The following IQCE variants were observed in gnomAD, a reference collection of about 807,000 sequenced individuals.
The protein encoded by IQCE is IQ domain-containing protein E.
In IQCE, 115 loss-of-function variants were observed where a neutral mutation model predicts 96.0. The ratio of observed to expected loss-of-function variants is 1.20; its 90% confidence interval spans 1.03 to 1.40. The LOEUF is 1.40. Ranked by LOEUF, IQCE falls within the 40% of genes most tolerant of loss-of-function variation. IQCE has a pLI of 0.00. For synonymous variants in IQCE, 412 were observed against 371.2 expected (o/e 1.11, Z -1.26); for missense variants, 1,041 against 909.1 (o/e 1.15, Z -1.87).
chr7:2,560,955 C>CAAAAAA (rs746886884), intron 1 of IQCE, among the ~76,000 whole-genome samples: 1 of 58,778 alleles, frequency 1.7e-5, no homozygotes, highest in African/African-American at 6.5e-5. Context: ...GACTCTGTCT[C>CAAAAAA]AAAAAAAAAA....
chr7:2,588,990 A>G (rs1469347667), intron 13 of IQCE, among the ~76,000 whole-genome samples: 1 of 152,162 alleles, frequency 6.6e-6, no homozygotes, highest in African/African-American at 2.4e-5. Flanking sequence ...TAAATAGTAA[A>G]TTAGAGCATC....
intron 8 of IQCE, chr7:2,582,080 G>A: frequency 8.5e-6 from 4 of 469,548 alleles, no homozygotes; most frequent in South Asian, 6.2e-5. Context: ...AAAAGGAGGT[G>A]AGGAGGCCGC....
In IQCE at chr7:2,607,196, C is replaced by T; in HGVS notation, c.1938C>T (p.Ala646=). 1 of 1,613,748 alleles carries T rather than the reference C, an allele frequency of 6.2e-7. No individual in the cohort carries two copies. Among genetic ancestry groups the T allele is most frequent in the Non-Finnish European group, 8.5e-7 (1 of 1,179,798 alleles). Residue 646 remains alanine (A), a synonymous_variant, in exon 21 of 22, where the codon GCC becomes GCT. Transcript: ENST00000402050. ...CGGCTTCAGCCACACACGGGGACGC[C>T]TCCTCCCCACCCTTCCTCGCAGCTC... The part of the protein sequence containing the change: ...RRSASATHGD[A]SSPPFLAALP...
In IQCE at chr7:2,604,973, G is replaced by A; in HGVS notation, c.1725G>A (p.Val575=). The part of the protein sequence containing the change: ...SKAHGSEPPS[V]PGLPDQSSPV... ...CACATGGCTCAGAGCCACCCAGCGT[G>A]CCAGGCCTCCCAGACCAGGTAATGT... The change falls in exon 19 of 22, where the codon GTG becomes GTA. Residue 575 remains valine (V), a synonymous_variant. Transcript: ENST00000402050. 1 of 1,612,740 alleles carries A rather than the reference G, an allele frequency of 6.2e-7. No individual in the cohort carries two copies. Among genetic ancestry groups the A allele is most frequent in the South Asian group, 1.1e-5 (1 of 91,058 alleles).
chr7:2,563,482 A>G lies in IQCE; in HGVS notation c.37-3634A>G, dbSNP rs1035918389. 2.0e-5 allele frequency among the ~76,000 whole-genome samples: 3 copies of G among 152,102 alleles called. No individual in the cohort carries two copies. The South Asian group carries it at 6.2e-4, about 32-fold the overall frequency. ...CTTTGAGTCCCAAAGTGCCGGGATT[A>G]CAGGTGTGAGCCACCACGCCCGGCC... is the stretch of plus-strand genomic sequence containing the variant. On this transcript the variant is annotated intron_variant, in intron 1 of 21. Coordinates refer to ENST00000402050, the MANE Select transcript of IQCE (RefSeq NM_152558.5).
chr7:2,578,835 C>T (rs551947537), intron 8 of IQCE, among the ~76,000 whole-genome samples: 1 of 152,244 alleles, frequency 6.6e-6, no homozygotes, highest in Non-Finnish European at 1.5e-5. Context: ...CCGAGGCAGG[C>T]AGATCACTTG....
chr7:2,595,636 C>T (rs914462920), intron 16 of IQCE, among the ~76,000 whole-genome samples: 3 of 152,100 alleles, frequency 2.0e-5, no homozygotes, highest in South Asian at 2.1e-4. Flanking sequence ...CCTGGAGGGT[C>T]GCAGCCATGC....
intron 21 of IQCE, 116 bp downstream of exon 21, chr7:2,607,343 C>T: frequency 2.0e-6 from 3 of 1,468,936 alleles, no homozygotes; most frequent in Non-Finnish European, 2.7e-6. Flanking sequence ...GAGGAGTGTC[C>T]CATCTGGAGC....
At position 2,590,073 on chromosome 7, in the gene IQCE, G is replaced by C. The variant is rs781205716; in HGVS notation, c.1211G>C (p.Arg404Pro). The C allele has an allele frequency of 6.2e-7, 1 of 1,613,210 alleles. No individual in the cohort carries two copies. Among genetic ancestry groups the C allele is most frequent in the Non-Finnish European group, 8.5e-7 (1 of 1,179,828 alleles). Residue 404 changes from arginine to proline, a missense_variant, in exon 14 of 22, where the codon CGG becomes CCG. By Grantham distance (103) the Arg-to-Pro change is moderately radical (BLOSUM62 -2). Transcript: ENST00000402050. ...RGAVRDLKEERTALQEQLLQR... is the reference protein window; with the variant it reads ...RGAVRDLKEEPTALQEQLLQR... ...GCTGTGAGAGACCTGAAGGAAGAGC[G>C]GACCGCGCTGCAGGAGCAGCTGCTG...
intron 15 of IQCE, among the ~76,000 whole-genome samples, chr7:2,594,685 G>T (rs1783881341): frequency 6.6e-6 from 1 of 152,264 alleles, no homozygotes; most frequent in Non-Finnish European, 1.5e-5. Flanking sequence ...ACAACAGGAA[G>T]TCCCGGCCTG....
In IQCE at chr7:2,566,946, A is replaced by G. The variant is rs576654823; in HGVS notation, c.37-170A>G. Among the ~76,000 whole-genome samples, 224 of 152,166 alleles carry G rather than the reference A, an allele frequency of 1.5e-3. 2 individuals are homozygous for G. Among genetic ancestry groups the G allele is most frequent in the Middle Eastern group, 6.8e-3 (2 of 294 alleles). ...CCACCCACCCATTCCTTCTGATGAG[A>G]CTGAGGAACTGGCTGCTGCCCAGCT... On this transcript the variant is annotated intron_variant, in intron 1 of 21. Transcript: ENST00000402050.
chr7:2,579,501 T>C (rs981712205), intron 8 of IQCE, among the ~76,000 whole-genome samples: 10 of 151,994 alleles, frequency 6.6e-5, no homozygotes, highest in African/African-American at 2.4e-4. Context: ...ACTATAAATC[T>C]CTAAAGAAAA....
chr7:2,591,820 C>T (rs949861808), intron 14 of IQCE, among the ~76,000 whole-genome samples: 5 of 152,070 alleles, frequency 3.3e-5, no homozygotes, highest in Non-Finnish European at 7.3e-5. Flanking sequence ...GGGGTTTCAC[C>T]ATGTTGGCCA....
rs1266970493 is a variant in IQCE at position 2,612,991 on chromosome 7, C to T, written c.*2829C>T. ...ACCACTTCAGGGTCGACGTTGGTGG[C>T]AGGTGTTGTTCACGGTGTACTGATT... is the stretch of plus-strand genomic sequence containing the variant. On this transcript the variant is annotated 3_prime_UTR_variant, in exon 22 of 22. Coordinates refer to ENST00000402050, the MANE Select transcript of IQCE (RefSeq NM_152558.5). 1.3e-5 allele frequency: 2 copies of T among 152,240 alleles called. No homozygotes were observed. Among genetic ancestry groups the T allele is most frequent in the Non-Finnish European group, 2.9e-5 (2 of 68,034 alleles). The allele number at this position is 152,240 out of a possible 1,614,324, so 9.4% of individuals were successfully genotyped here.
chr7:2,564,399 AG>A (rs111228531), intron 1 of IQCE, among the ~76,000 whole-genome samples: 1,739 of 152,226 alleles, frequency 0.011, 44 homozygotes, highest in African/African-American at 0.039. Context: ...GTTTGAGACC[AG>A]CCTGGCCAAC....
chr7:2,562,740 T>C (rs548563282), intron 1 of IQCE, among the ~76,000 whole-genome samples: 1 of 152,202 alleles, frequency 6.6e-6, no homozygotes, highest in Non-Finnish European at 1.5e-5. Flanking sequence ...TCTATTTCAT[T>C]TATTCACTGT....
intron 16 of IQCE, among the ~76,000 whole-genome samples, chr7:2,596,233 C>T (rs987113105): frequency 7.9e-5 from 12 of 151,574 alleles, no homozygotes; most frequent in East Asian, 5.8e-4. Flanking sequence ...CACTCCATCC[C>T]GGGCCACAGA....
chr7:2,606,058 T>C (rs1784800020), intron 20 of IQCE, 61 bp downstream of exon 20: 1 of 1,541,886 alleles, frequency 6.5e-7, no homozygotes, highest in Non-Finnish European at 8.7e-7. Flanking sequence ...CCCACCGCAC[T>C]GGGCCCGGAG....
At chr7:2,570,947 C>T (rs1010053392) in intron 3 of IQCE, among the ~76,000 whole-genome samples, 2 of 152,164 alleles carry the variant, frequency 1.3e-5, no homozygotes, top group African/African-American at 4.8e-5. Context: ...GCACATCTCT[C>T]AAAATTGGGG....
Sources: gnomAD v4.1 joint callset for allele counts (sites outside exome capture counted in the v4.1 genomes callset) on GRCh38, gnomAD v4.1.1 for gene constraint, MANE v1.5 for transcripts, NCBI Gene and HGNC (gene_info 2026-07-23, HGNC 2026-07-21) for gene names.